Variants in KAZN observed in about 807,000 individuals in gnomAD.
The protein encoded by KAZN is kazrin, periplakin interacting protein, also known as kazrin.
KAZN carries 40 observed loss-of-function variants against 87.4 expected under a neutral mutation model. The observed-to-expected ratio is 0.46, with a 90% CI of 0.36 to 0.60. The LOEUF (loss-of-function observed/expected upper bound fraction) is 0.60, where lower values mean the gene tolerates loss of function less well. KAZN is among the 20% of genes least tolerant of loss of function. The probability of loss-of-function intolerance (pLI) is 0.00; values close to 1 mark genes in which losing one functional copy is unlikely to be tolerated. For missense variants in KAZN, 898 were observed against 1,073.9 expected (o/e 0.84, Z 2.29); for synonymous variants, 466 against 458.3 (o/e 1.02, Z -0.22).
rs1644165734 is a variant in KAZN, at chr1:14,097,986, G to A, written c.92-82449G>A. ...TAAAAATAAATATGCCAAGCCATTT[G>A]GAGAGTTATCTCATTGAATCTTCAC... On this transcript the variant is annotated intron_variant, in intron 1 of 16. Transcript: ENST00000636203. Among the ~76,000 whole-genome samples, 3 of 152,000 alleles carry A rather than the reference G, an allele frequency of 2.0e-5. No homozygotes were observed. In the South Asian group the frequency reaches 6.2e-4, roughly 31 times the overall value.
intron 1 of KAZN, among the ~76,000 whole-genome samples, chr1:14,115,046 C>T (rs1220451638): frequency 6.6e-6 from 1 of 152,166 alleles, no homozygotes; most frequent in Non-Finnish European, 1.5e-5. Context: ...GCCCAGGCTG[C>T]CATAACAAAG....
intron 2 of KAZN, among the ~76,000 whole-genome samples, chr1:14,554,368 A>G (rs1440523041): frequency 2.0e-5 from 3 of 152,170 alleles, no homozygotes; most frequent in Non-Finnish European, 4.4e-5. Flanking sequence ...AAGTCAGTTC[A>G]CAGCTCAGTC....
At chr1:14,794,538 G>T (rs753053924) in intron 1 of KAZN, among the ~76,000 whole-genome samples, 2 of 152,206 alleles carry the variant, frequency 1.3e-5, no homozygotes, top group Non-Finnish European at 2.9e-5. Context: ...CAGGGTAGGA[G>T]GCAGCGGGGA....
intron 2 of KAZN, among the ~76,000 whole-genome samples, chr1:14,424,980 T>C (rs6678924): frequency 0.29 from 44,190 of 152,128 alleles, 7,293 homozygotes; most frequent in Non-Finnish European, 0.38. Flanking sequence ...AAGAAAGTTA[T>C]GCAAAAGCAC....
intron 1 of KAZN, among the ~76,000 whole-genome samples, chr1:14,815,222 G>A (rs911542806): frequency 5.9e-5 from 9 of 152,160 alleles, no homozygotes; most frequent in Non-Finnish European, 8.8e-5. Flanking sequence ...TGCTGCAGTC[G>A]TGGGTAATGG....
intron 1 of KAZN, among the ~76,000 whole-genome samples, chr1:14,946,600 A>G (rs575027863): frequency 6.6e-6 from 1 of 152,148 alleles, no homozygotes; most frequent in African/African-American, 2.4e-5. Context: ...TCTGTTCACT[A>G]TGGAGATCTG....
chr1:14,452,770 C>T (rs1007088041), intron 2 of KAZN, among the ~76,000 whole-genome samples: 1 of 152,170 alleles, frequency 6.6e-6, no homozygotes, highest in Non-Finnish European at 1.5e-5. Context: ...TGATATGCTA[C>T]GGTGAGGACC....
intron 2 of KAZN, among the ~76,000 whole-genome samples, chr1:14,419,884 G>A (rs555883355): frequency 3.1e-4 from 47 of 152,254 alleles, no homozygotes; most frequent in African/African-American, 9.9e-4. Flanking sequence ...CAGACAGTGA[G>A]ACCCCAAAGA....
At chr1:14,713,794 A>AGG (rs760342906) in intron 1 of KAZN, among the ~76,000 whole-genome samples, 1 of 117,936 alleles carries the variant, frequency 8.5e-6, no homozygotes, top group African/African-American at 3.1e-5. Flanking sequence ...AAAAAAAAAA[A>AGG]AAAAAAGAAA....
At chr1:14,189,306 T>A (rs906058911) in intron 2 of KAZN, among the ~76,000 whole-genome samples, 3 of 152,164 alleles carry the variant, frequency 2.0e-5, no homozygotes, top group Non-Finnish European at 4.4e-5. Flanking sequence ...GATTACTGAG[T>A]CTGATCCCTC....
At chr1:14,055,590 A>G (rs1399128893) in intron 1 of KAZN, among the ~76,000 whole-genome samples, 1 of 152,172 alleles carries the variant, frequency 6.6e-6, no homozygotes, top group Non-Finnish European at 1.5e-5. Context: ...TCAGGCATCC[A>G]TACAGGAAAG....
At chr1:13,981,089 T>TCTCTCTCTCTCTATATATATATATATATA (rs1553181094) in intron 1 of KAZN, among the ~76,000 whole-genome samples, 4 of 63,136 alleles carry the variant, frequency 6.3e-5, no homozygotes, top group Non-Finnish European at 1.4e-4. Flanking sequence ...AAATTACTCT[T>TCTCTCTCTCTCTATATATATATATATATA]TATATATATA....
At chr1:14,435,969 G>T (rs3889322) in intron 2 of KAZN, among the ~76,000 whole-genome samples, 94,640 of 152,078 alleles carry the variant, frequency 0.62, 30,015 homozygotes, top group African/African-American at 0.74. Flanking sequence ...ACTATGTCAA[G>T]GAATTTGAGT....
intron 2 of KAZN, among the ~76,000 whole-genome samples, chr1:14,553,647 G>A (rs1278218000): frequency 6.6e-6 from 1 of 152,184 alleles, no homozygotes; most frequent in Non-Finnish European, 1.5e-5. Flanking sequence ...GCTTATCTGG[G>A]CTGTCAATTA....
intron 1 of KAZN, among the ~76,000 whole-genome samples, chr1:14,059,508 C>T (rs56712621): frequency 0.015 from 2,221 of 152,306 alleles, 48 homozygotes; most frequent in African/African-American, 0.05. Context: ...GTTCTAGCCA[C>T]GCTGACAGCT....
chr1:14,106,435 C>T (rs56688328), intron 1 of KAZN, among the ~76,000 whole-genome samples: 5,920 of 152,244 alleles, frequency 0.039, 399 homozygotes, highest in African/African-American at 0.13. Context: ...TGGAACAACC[C>T]ACATCCCTCT....
At chr1:15,015,690 C>T (rs1670015819) in intron 2 of KAZN, among the ~76,000 whole-genome samples, 1 of 152,170 alleles carries the variant, frequency 6.6e-6, no homozygotes, top group Admixed American at 6.5e-5. Context: ...TCACCCCTTT[C>T]TGGGTCTGCT....
intron 2 of KAZN, among the ~76,000 whole-genome samples, chr1:14,588,041 C>T (rs1024510854): frequency 1.1e-4 from 16 of 152,192 alleles, no homozygotes; most frequent in African/African-American, 3.6e-4. Context: ...AGCCCTGCCA[C>T]TCTTGAGCTG....
chr1:14,598,681 T>C, upstream of KAZN: 1 of 1,273,718 alleles, frequency 7.9e-7, no homozygotes, highest in Non-Finnish European at 9.9e-7. The surrounding 1 kb of genome is among the most constrained non-coding windows in gnomAD (Gnocchi z 4.2). Flanking sequence ...TGGCGCGCGG[T>C]GTCCTTCTTG....
Sources: allele counts gnomAD v4.1 joint callset (sites outside exome capture counted in the v4.1 genomes callset), GRCh38; gene constraint gnomAD v4.1.1; non-coding constraint Gnocchi (gnomAD v3.1); transcripts MANE v1.5; gene names NCBI Gene and HGNC (gene_info 2026-07-23, HGNC 2026-07-21).